Variants in UMPS observed in about 807,000 individuals in gnomAD.
The protein encoded by UMPS is uridine 5'-monophosphate synthase.
Under a neutral mutation model 38.9 loss-of-function variants are expected in UMPS, and 21 were observed. That is an observed-to-expected ratio of 0.54 (90% confidence interval 0.38 to 0.78). The LOEUF (loss-of-function observed/expected upper bound fraction) is 0.78. Among genes scored for constraint, UMPS ranks in the 30% least tolerant of loss-of-function variants. UMPS has a pLI of 0.00. For synonymous variants in UMPS, 208 were observed against 219.3 expected (o/e 0.95, Z 0.45); for missense variants, 533 against 591.6 (o/e 0.90, Z 1.03).
At chr3:124,740,814 G>A (rs1030172243) in intron 4 of UMPS, among the ~76,000 whole-genome samples, 2 of 152,134 alleles carry the variant, frequency 1.3e-5, no homozygotes, top group Non-Finnish European at 2.9e-5. Flanking sequence ...ACCAGGCATG[G>A]TGGTACGTGC....
In UMPS at chr3:124,748,347, T is replaced by C. The variant is rs558675693; in HGVS notation, c.*4263T>C. ...TCTTAGATCATAGGGCCTTTCACAT[T>C]TGTAATTTGGCCTTGTATGAGTTAC... On this transcript the variant is annotated 3_prime_UTR_variant, in exon 6 of 6. Coordinates refer to ENST00000232607, the MANE Select transcript of UMPS (RefSeq NM_000373.4). 4.1e-4 allele frequency: 187 copies of C among 453,972 alleles called. No individual in the cohort carries two copies. The highest frequency in any genetic ancestry group is 2.7e-3 in the South Asian group (177 of 64,446). 28.1% of individuals were successfully genotyped at this position (453,972 alleles called of 1,614,324 possible).
chr3:124,745,297 G>A lies in UMPS; in HGVS notation c.*1213G>A, dbSNP rs573113688. The A allele has an allele frequency of 1.5e-4, 67 of 453,944 alleles. No individual in the cohort carries two copies. Among genetic ancestry groups the A allele is most frequent in the South Asian group, 6.2e-4 (40 of 64,460 alleles). The allele number at this position is 453,944 out of a possible 1,614,324, so 28.1% of individuals were successfully genotyped here. A position where few individuals can be genotyped will look rare whatever the true frequency, so the allele number is the denominator to read the frequency against. On this transcript the variant is annotated 3_prime_UTR_variant, in exon 6 of 6. Coordinates refer to ENST00000232607, the MANE Select transcript of UMPS (RefSeq NM_000373.4). ...GGGCCCACCTGCAGGAAGTGGCACA[G>A]GATCAGCCATTTCCCCACCCTTGTC...
In UMPS at chr3:124,735,084, T is replaced by G. The variant is rs1047670420; in HGVS notation, c.157-9T>G. On this transcript the variant is annotated splice_polypyrimidine_tract_variant and intron_variant, in intron 1 of 5. Coordinates refer to ENST00000232607, the MANE Select transcript of UMPS (RefSeq NM_000373.4). ...ATAAAACATTGTTTATGTGTTCATT[T>G]TCTTACAGGTTGCAGATATTTTATT... 6 of 1,612,358 alleles carry G rather than the reference T, an allele frequency of 3.7e-6. No individual in the cohort carries two copies. The highest frequency in any genetic ancestry group is 5.1e-6 in the Non-Finnish European group (6 of 1,178,768).
Position 124,747,965 on chromosome 3 carries a change from C to T in UMPS, c.*3881C>T. The T allele has an allele frequency of 2.2e-6, 1 of 453,954 alleles. No individual in the cohort carries two copies. The highest frequency in any genetic ancestry group is 1.6e-5 in the South Asian group (1 of 64,452). The allele number at this position is 453,954 out of a possible 1,614,324, so 28.1% of individuals were successfully genotyped here. ...AACAGGTGGGTATGAATCGTGTCTT[C>T]AGTGCCAGGGCTGAATGAGAAAGGG... is the stretch of plus-strand genomic sequence containing the variant. On this transcript the variant is annotated 3_prime_UTR_variant, in exon 6 of 6. Transcript: ENST00000232607.
rs1239782387 is a variant in UMPS at position 124,746,064 on chromosome 3, A to G, written c.*1980A>G. The stretch of plus-strand genomic sequence containing the variant: ...TTGAGAACCACTTCACTGGTTATTC[A>G]CATTTCTGCCTCTGCAGTGAGACAG... On this transcript the variant is annotated 3_prime_UTR_variant, in exon 6 of 6. Transcript: ENST00000232607. 2 of 453,944 alleles carry G rather than the reference A, an allele frequency of 4.4e-6. No individual in the cohort carries two copies. The highest frequency in any genetic ancestry group is 8.8e-6 in the Non-Finnish European group (2 of 226,786). The allele number at this position is 453,944 out of a possible 1,614,324, so 28.1% of individuals were successfully genotyped here.
chr3:124,747,647 A>G lies in UMPS; in HGVS notation c.*3563A>G, dbSNP rs886245340. The G allele has an allele frequency of 2.2e-6, 1 of 452,634 alleles. No individual in the cohort carries two copies. The highest frequency in any genetic ancestry group is 4.4e-6 in the Non-Finnish European group (1 of 225,524). The allele number at this position is 452,634 out of a possible 1,614,324, so 28.0% of individuals were successfully genotyped here. A position where few individuals can be genotyped will look rare whatever the true frequency, so the allele number is the denominator to read the frequency against. ...TGATAAATGCTTAGTAGTGCATGCC[A>G]TGGAGTTCCAGGGTGGTTTATTACA... On this transcript the variant is annotated 3_prime_UTR_variant, in exon 6 of 6. Transcript: ENST00000232607.
rs892413639 is a variant in UMPS, at chr3:124,740,054, A to G, written c.1013A>G (p.Asp338Gly). Residue 338 changes from aspartate (D) to glycine (G), a missense_variant, in exon 4 of 6, where the codon GAT (aspartate) becomes GGT (glycine). By Grantham distance (94) the Asp-to-Gly change is moderately conservative. Transcript: ENST00000232607. ...ATCTTTAAAATAGCTTCCTGGGCAG[A>G]TCTAGTAAATGCTCACGTGGTGCCA... The part of the protein sequence containing the change: ...GGIFKIASWA[D>G]LVNAHVVPGS... 1.2e-6 allele frequency: 2 copies of G among 1,614,012 alleles called. No homozygotes were observed. The highest frequency in any genetic ancestry group is 1.7e-6 in the Non-Finnish European group (2 of 1,180,042).
At chr3:124,743,808 G>C in intron 5 of UMPS, 107 bp from the exon 6 acceptor site, 1 of 1,405,856 alleles carries the variant, frequency 7.1e-7, no homozygotes, top group Admixed American at 1.8e-5. Context: ...ACGAAAGTAG[G>C]GGCATGTTTT....
chr3:124,743,783 C>T, intron 5 of UMPS, 132 bp from the exon 6 acceptor site: 1 of 1,082,528 alleles, frequency 9.2e-7, no homozygotes, highest in Non-Finnish European at 1.3e-6. Flanking sequence ...TACGCAGTTG[C>T]TGTACAAAAG....
Position 124,745,814 on chromosome 3 carries a change from T to G in UMPS, c.*1730T>G, listed in dbSNP as rs1470085248. The G allele has an allele frequency of 4.4e-6, 2 of 453,734 alleles. No individual in the cohort carries two copies. The highest frequency in any genetic ancestry group is 4.7e-5 in the Admixed American group (2 of 42,518). The allele number at this position is 453,734 out of a possible 1,614,324, so 28.1% of individuals were successfully genotyped here. A position where few individuals can be genotyped will look rare whatever the true frequency, so the allele number is the denominator to read the frequency against. On this transcript the variant is annotated 3_prime_UTR_variant, in exon 6 of 6. Transcript: ENST00000232607. Reference sequence around the variant, plus strand: ...GTGATATGTTGAGAGGCCTTTGGAGTGATGTGCTGAGGTCTCAGGCGCCCA... The same window carrying G: ...GTGATATGTTGAGAGGCCTTTGGAGGGATGTGCTGAGGTCTCAGGCGCCCA...
At chr3:124,731,194 G>A (rs563888132) in intron 1 of UMPS, among the ~76,000 whole-genome samples, 1 of 147,030 alleles carries the variant, frequency 6.8e-6, no homozygotes, top group East Asian at 2.1e-4. Context: ...CGACAAGTGA[G>A]ACCCTGCCCT....
rs1274590115 is a variant in UMPS, at chr3:124,749,018, A to G, written c.*4934A>G. On this transcript the variant is annotated 3_prime_UTR_variant, in exon 6 of 6. Coordinates refer to ENST00000232607, the MANE Select transcript of UMPS (RefSeq NM_000373.4). ...GGTGCCCTTGTGCACAGACAGCTCCATAGTCCTGCCTCCAATGTCCCAACA... is the reference window on the plus strand; with the variant it reads ...GGTGCCCTTGTGCACAGACAGCTCCGTAGTCCTGCCTCCAATGTCCCAACA... The G allele has an allele frequency of 2.4e-5, 11 of 453,976 alleles. No homozygotes were observed. Among genetic ancestry groups the G allele is most frequent in the Non-Finnish European group, 4.0e-5 (9 of 226,790 alleles). 28.1% of individuals were successfully genotyped at this position (453,976 alleles called of 1,614,324 possible).
At chr3:124,737,193 C>T in intron 2 of UMPS, 1 of 215,612 alleles carries the variant, frequency 4.6e-6, no homozygotes, top group Admixed American at 5.4e-5. Context: ...CACTTGAGCT[C>T]AGGAGTTCAA....
intron 4 of UMPS, among the ~76,000 whole-genome samples, chr3:124,740,981 C>T (rs1424522658): frequency 2.6e-5 from 4 of 152,028 alleles, no homozygotes. Context: ...AAGAAAATCC[C>T]CATGATTTTT....
In UMPS at chr3:124,746,589, C is replaced by G; in HGVS notation, c.*2505C>G. On this transcript the variant is annotated 3_prime_UTR_variant, in exon 6 of 6. Coordinates refer to ENST00000232607, the MANE Select transcript of UMPS (RefSeq NM_000373.4). ...CCCTTTCTCAGTCAAGGAATATTTA[C>G]AGAACATGATCTCTGGGCATTGTAA... 1 of 454,068 alleles carries G rather than the reference C, an allele frequency of 2.2e-6. No individual in the cohort carries two copies. The highest frequency in any genetic ancestry group is 4.4e-6 in the Non-Finnish European group (1 of 226,790). 28.1% of individuals were successfully genotyped at this position (454,068 alleles called of 1,614,324 possible).
Position 124,746,098 on chromosome 3 carries a change from T to A in UMPS, c.*2014T>A. ...CCTCTGCAGTGAGACAGCCTTGAGG[T>A]CTGCCTCCTGCTAAGAGTCACATGC... On this transcript the variant is annotated 3_prime_UTR_variant, in exon 6 of 6. Transcript: ENST00000232607. The A allele has an allele frequency of 2.2e-6, 1 of 454,046 alleles. No homozygotes were observed. Among genetic ancestry groups the A allele is most frequent in the Non-Finnish European group, 4.4e-6 (1 of 226,706 alleles). The allele number at this position is 454,046 out of a possible 1,614,324, so 28.1% of individuals were successfully genotyped here. A position where few individuals can be genotyped will look rare whatever the true frequency, so the allele number is the denominator to read the frequency against.
rs1329783578 is a variant in UMPS, at chr3:124,748,920, A to G, written c.*4836A>G. 1 of 445,952 alleles carries G rather than the reference A, an allele frequency of 2.2e-6. No homozygotes were observed. Among genetic ancestry groups the G allele is most frequent in the African/African-American group, 2.0e-5 (1 of 49,954 alleles). The allele number at this position is 445,952 out of a possible 1,614,324, so 27.6% of individuals were successfully genotyped here. ...GGTGGGCCTGAGAGTCTCAATCGTC[A>G]GGTAAGGACAGTCAGTGGGAAGTGG... is the stretch of plus-strand genomic sequence containing the variant. On this transcript the variant is annotated 3_prime_UTR_variant, in exon 6 of 6. Transcript: ENST00000232607.
At chr3:124,742,129 A>G (rs765883900) in intron 4 of UMPS, 23 bp from the exon 5 acceptor site, 1 of 1,516,718 alleles carries the variant, frequency 6.6e-7, no homozygotes, top group Non-Finnish European at 9.2e-7. Context: ...TTCTTATAAT[A>G]TGTCCTATTA....
chr3:124,735,652 G>A (rs1420826831), intron 2 of UMPS, among the ~76,000 whole-genome samples: 1 of 152,152 alleles, frequency 6.6e-6, no homozygotes, highest in Admixed American at 6.5e-5. Context: ...GTGGGTTCAT[G>A]GCAATAGATT....
Sources: allele counts gnomAD v4.1 joint callset (sites outside exome capture counted in the v4.1 genomes callset), GRCh38; gene constraint gnomAD v4.1.1; transcripts MANE v1.5; gene names NCBI Gene and HGNC (gene_info 2026-07-23, HGNC 2026-07-21).